The following PRKG1 variants were observed in gnomAD, a reference collection of about 807,000 sequenced individuals.
PRKG1 encodes the protein cGMP-dependent protein kinase 1.
In PRKG1, 35 loss-of-function variants were observed where a neutral mutation model predicts 88.1. The observed-to-expected ratio is 0.40, with a 90% CI of 0.30 to 0.53. The LOEUF (loss-of-function observed/expected upper bound fraction) is 0.53, where lower values mean the gene tolerates loss of function less well. PRKG1 is among the 20% of genes least tolerant of loss of function. The pLI, the probability that PRKG1 is intolerant of heterozygous loss-of-function variation, is 0.59. For missense variants in PRKG1, 540 were observed against 839.8 expected (o/e 0.64, Z 4.41); for synonymous variants, 303 against 292.5 (o/e 1.04, Z -0.37).
chr10:51,296,509 A>G (rs929016283), intron 2 of PRKG1, among the ~76,000 whole-genome samples: 3 of 152,058 alleles, frequency 2.0e-5, no homozygotes, highest in Non-Finnish European at 2.9e-5. Context: ...TTCATTTCTG[A>G]GGCATCCATT....
At chr10:51,616,503 T>C (rs74337531) in intron 3 of PRKG1, among the ~76,000 whole-genome samples, 7,302 of 152,106 alleles carry the variant, frequency 0.048, 207 homozygotes, top group Middle Eastern at 0.088. Flanking sequence ...CACATGCAGA[T>C]AGGTGGTGGT....
intron 3 of PRKG1, among the ~76,000 whole-genome samples, chr10:51,750,007 C>T (rs57557832): frequency 0.046 from 6,802 of 148,942 alleles, 517 homozygotes; most frequent in African/African-American, 0.16. Context: ...GTGATCTTGG[C>T]TCGCTGCAAC....
intron 3 of PRKG1, among the ~76,000 whole-genome samples, chr10:51,560,823 T>C (rs1837439264): frequency 6.6e-6 from 1 of 152,136 alleles, no homozygotes; most frequent in South Asian, 2.1e-4. Flanking sequence ...GGTGACCAGA[T>C]AGAAATGTAT....
chr10:51,518,841 C>T (rs902961747), intron 3 of PRKG1, among the ~76,000 whole-genome samples: 2 of 152,142 alleles, frequency 1.3e-5, no homozygotes, highest in Non-Finnish European at 2.9e-5. Context: ...TCAAGAATGA[C>T]TGGTTGCCAA....
intron 2 of PRKG1, among the ~76,000 whole-genome samples, chr10:51,432,655 C>A (rs1361004308): frequency 1.3e-5 from 2 of 151,244 alleles, no homozygotes; most frequent in African/African-American, 4.9e-5. Context: ...AGGGGCAGAG[C>A]TCAAGTCATT....
In PRKG1 at chr10:51,670,750, AAATAAATAAAT is replaced by A. The variant is rs1221149278; in HGVS notation, c.593-133832_593-133822del. ...GACTCCGTCTCAAAAAAAAATAAAT[AAATAAATAAAT>A]AAATAAATAAATAAATAAATAAATA... On this transcript the variant is annotated intron_variant, in intron 3 of 17. Coordinates refer to ENST00000373980, the MANE Select transcript of PRKG1 (RefSeq NM_006258.4). Among the ~76,000 whole-genome samples, 40 of 72,318 alleles carry A rather than the reference AAATAAATAAAT, an allele frequency of 5.5e-4. 2 individuals carry two copies. Among genetic ancestry groups the A allele is most frequent in the African/African-American group, 1.6e-3 (28 of 18,016 alleles). 47.4% of individuals were successfully genotyped at this position (72,318 alleles called of 152,430 possible). A position where few individuals can be genotyped will look rare whatever the true frequency, so the allele number is the denominator to read the frequency against.
chr10:51,025,155 C>G (rs984640916), intron 1 of PRKG1, among the ~76,000 whole-genome samples: 1 of 152,142 alleles, frequency 6.6e-6, no homozygotes, highest in Non-Finnish European at 1.5e-5. Context: ...GATAGTATAC[C>G]TTTCCAGTCT....
At chr10:51,178,433 C>T (rs532737237) in intron 2 of PRKG1, among the ~76,000 whole-genome samples, 1 of 152,042 alleles carries the variant, frequency 6.6e-6, no homozygotes, top group Non-Finnish European at 1.5e-5. Context: ...GAGCTCAGGA[C>T]TTAGACCAGC....
At chr10:51,013,746 G>T (rs920273783) in intron 1 of PRKG1, among the ~76,000 whole-genome samples, 2 of 152,112 alleles carry the variant, frequency 1.3e-5, no homozygotes, top group Non-Finnish European at 2.9e-5. Flanking sequence ...AACAGGTATA[G>T]TTACTTATCT....
At chr10:51,512,270 T>C (rs1339535570) in intron 3 of PRKG1, among the ~76,000 whole-genome samples, 1 of 150,150 alleles carries the variant, frequency 6.7e-6, no homozygotes, top group Non-Finnish European at 1.5e-5. Context: ...TGTATACATG[T>C]GCCATGCTGG....
At chr10:51,929,602 C>T (rs771374157) in intron 5 of PRKG1, among the ~76,000 whole-genome samples, 4 of 152,146 alleles carry the variant, frequency 2.6e-5, no homozygotes, top group East Asian at 3.9e-4. Flanking sequence ...CTGCCTGCCT[C>T]GGCCTCTCAA....
At chr10:52,248,882 TTC>T (rs1337541663) in intron 9 of PRKG1, among the ~76,000 whole-genome samples, 1 of 126,554 alleles carries the variant, frequency 7.9e-6, no homozygotes, top group Non-Finnish European at 1.7e-5. Context: ...TGCCTTTCTC[TTC>T]TTTTCCTTCC....
At chr10:51,900,291 G>T (rs1247560828) in intron 4 of PRKG1, among the ~76,000 whole-genome samples, 1 of 152,100 alleles carries the variant, frequency 6.6e-6, no homozygotes, top group Non-Finnish European at 1.5e-5. Flanking sequence ...AAGATAATGT[G>T]GACATTCTTT....
intron 3 of PRKG1, among the ~76,000 whole-genome samples, chr10:51,685,412 A>T (rs745823896): frequency 4.6e-5 from 7 of 152,172 alleles, no homozygotes; most frequent in Non-Finnish European, 7.4e-5. Flanking sequence ...CCAAAAGAGG[A>T]CATAGAACTC....
At chr10:51,753,570 GGCATGT>G (rs1837782246) in intron 3 of PRKG1, among the ~76,000 whole-genome samples, 1 of 152,054 alleles carries the variant, frequency 6.6e-6, no homozygotes, top group Non-Finnish European at 1.5e-5. Context: ...TAAATTGATA[GGCATGT>G]GGTCAAAGAG....
chr10:51,650,959 C>A (rs766728862), intron 3 of PRKG1, among the ~76,000 whole-genome samples: 2 of 152,084 alleles, frequency 1.3e-5, no homozygotes, highest in Non-Finnish European at 2.9e-5. Flanking sequence ...CAACTGGGGG[C>A]GATTGTACCC....
chr10:51,655,108 C>CTAAA (rs1840131104), intron 3 of PRKG1, among the ~76,000 whole-genome samples: 2 of 152,116 alleles, frequency 1.3e-5, no homozygotes, highest in Non-Finnish European at 2.9e-5. Context: ...GAAATTAAGT[C>CTAAA]CTGGGCCACA....
At chr10:51,765,732 G>A (rs1838140981) in intron 3 of PRKG1, among the ~76,000 whole-genome samples, 1 of 151,700 alleles carries the variant, frequency 6.6e-6, no homozygotes, top group Admixed American at 6.6e-5. Flanking sequence ...TAACACTTTG[G>A]TGAAGCTCTC....
Position 51,793,161 on chromosome 10 carries a change from A to G in PRKG1, c.593-11424A>G, listed in dbSNP as rs550069431. ...TGCAAAAAAAAAAAAAAAAAAAACC[A>G]GAACAACAATTTAACAAACAGAAAA... On this transcript the variant is annotated intron_variant, in intron 3 of 17. Transcript: ENST00000373980. Among the ~76,000 whole-genome samples, 12 of 143,712 alleles carry G rather than the reference A, an allele frequency of 8.4e-5. No individual in the cohort carries two copies. In the South Asian group the frequency reaches 2.2e-3, roughly 26 times the overall value. 94.3% of individuals were successfully genotyped at this position (143,712 alleles called of 152,430 possible). A position where few individuals can be genotyped will look rare whatever the true frequency, so the allele number is the denominator to read the frequency against.
Sources: gnomAD v4.1 joint callset for allele counts (sites outside exome capture counted in the v4.1 genomes callset) on GRCh38, gnomAD v4.1.1 for gene constraint, MANE v1.5 for transcripts, NCBI Gene and HGNC (gene_info 2026-07-23, HGNC 2026-07-21) for gene names.